Variants in HCRTR2 observed in about 807,000 individuals in gnomAD.
The protein encoded by HCRTR2 is hypocretin receptor 2, also known as orexin receptor type 2.
Under a neutral mutation model 49.0 loss-of-function variants are expected in HCRTR2, and 22 were observed. The ratio of observed to expected loss-of-function variants is 0.45; its 90% CI spans 0.32 to 0.64. HCRTR2 has a LOEUF of 0.64. Among genes scored for constraint, HCRTR2 ranks in the 30% least tolerant of loss-of-function variants. HCRTR2 has a pLI of 0.04. For synonymous variants in HCRTR2, 236 were observed against 205.3 expected (o/e 1.15, Z -1.28); for missense variants, 491 against 559.4 (o/e 0.88, Z 1.23).
chr6:55,165,741 CAGA>C (rs1764866455), intron 1 of HCRTR2, among the ~76,000 whole-genome samples: 1 of 95,280 alleles, frequency 1.0e-5, no homozygotes, highest in African/African-American at 4.3e-5. Context: ...GATTAGTATA[CAGA>C]ATATATATAT....
Position 55,157,352 on chromosome 6 carries a change from TG to T in HCRTR2, c.-377-16858del, listed in dbSNP as rs368107268. On this transcript the variant is annotated intron_variant, in intron 1 of 7. Coordinates refer to the HCRTR2 transcript ENST00000615358. ...GTTTTATGTACTGAAAAATAAAAAA[TG>T]TCATTAAAAATAGTTAAAGAGAATC... Among the ~76,000 whole-genome samples, 439 of 152,304 alleles carry T rather than the reference TG, an allele frequency of 2.9e-3. 4 individuals carry two copies. Among genetic ancestry groups the T allele is most frequent in the African/African-American group, 0.01 (417 of 41,570 alleles).
intron 1 of HCRTR2, among the ~76,000 whole-genome samples, chr6:55,223,867 T>G (rs1169480235): frequency 6.6e-6 from 1 of 152,074 alleles, no homozygotes; most frequent in East Asian, 1.9e-4. Flanking sequence ...GAGGAAATTA[T>G]TTATATGCAG....
At chr6:55,198,118 G>A (rs1386884503) in intron 1 of HCRTR2, among the ~76,000 whole-genome samples, 3 of 152,058 alleles carry the variant, frequency 2.0e-5, no homozygotes, top group East Asian at 1.9e-4. Context: ...TAACCTTCAC[G>A]AAACTACATG....
chr6:55,258,333 G>A lies in HCRTR2; in HGVS notation c.646+2954G>A, dbSNP rs79792462. Reference sequence around the variant, plus strand: ...TTATCCTACAACCAATGTGGCAGTGGAAAAAAATTTGGAAAAGCAATTTGG... The same window carrying A: ...TTATCCTACAACCAATGTGGCAGTGAAAAAAAATTTGGAAAAGCAATTTGG... On this transcript the variant is annotated intron_variant, in intron 3 of 6. Transcript: ENST00000370862. Among the ~76,000 whole-genome samples, 1,388 of 152,134 alleles carry A rather than the reference G, an allele frequency of 9.1e-3. 50 individuals are homozygous for A. The East Asian group carries it at 0.12, about 13-fold the overall frequency.
chr6:55,159,218 G>C (rs1336452487), intron 1 of HCRTR2, among the ~76,000 whole-genome samples: 1 of 152,082 alleles, frequency 6.6e-6, no homozygotes, highest in Non-Finnish European at 1.5e-5. Context: ...AGACGGGCCT[G>C]AGTGTAAGAA....
At chr6:55,142,972 T>TGGTA (rs139756684) in intron 1 of HCRTR2, among the ~76,000 whole-genome samples, 2 of 151,330 alleles carry the variant, frequency 1.3e-5, no homozygotes, top group African/African-American at 4.9e-5. Flanking sequence ...AGGCAGATTA[T>TGGTA]GATAGAAAGA....
At chr6:55,267,559 A>G (rs1296525184) in intron 4 of HCRTR2, among the ~76,000 whole-genome samples, 1 of 152,082 alleles carries the variant, frequency 6.6e-6, no homozygotes, top group Non-Finnish European at 1.5e-5. Flanking sequence ...ATAATTCAAC[A>G]CTAAATCTTA....
At chr6:55,189,107 T>C (rs1444030439) in intron 1 of HCRTR2, among the ~76,000 whole-genome samples, 1 of 152,220 alleles carries the variant, frequency 6.6e-6, no homozygotes, top group African/African-American at 2.4e-5. Context: ...CTGCTTTCAA[T>C]TGTTTTTGTG....
intron 1 of HCRTR2, among the ~76,000 whole-genome samples, chr6:55,212,482 T>C (rs1765714006): frequency 6.6e-6 from 1 of 152,200 alleles, no homozygotes; most frequent in Non-Finnish European, 1.5e-5. Flanking sequence ...ATAACGTGAA[T>C]TCTGTTTTGA....
chr6:55,238,502 C>G (rs1480163535), intron 1 of HCRTR2, among the ~76,000 whole-genome samples: 1 of 152,126 alleles, frequency 6.6e-6, no homozygotes, highest in Admixed American at 6.6e-5. Context: ...TTGTAATTTT[C>G]CAATTCTCCA....
At position 55,282,325 on chromosome 6, in the gene HCRTR2, G is replaced by A. The variant is rs199667261; in HGVS notation, c.1206G>A (p.Glu402=). The change falls in exon 7 of 7, where the codon GAG becomes GAA. Residue 402 remains glutamate (E), a synonymous_variant. Coordinates refer to ENST00000370862, the MANE Select transcript of HCRTR2 (RefSeq NM_001384272.1). ...TCACCAGGGGACGAACTAGCACAGA[G>A]AGCCGGAAGTCCTTGACCACTCAAA... ...DRLTRGRTST[E]SRKSLTTQIS... is the part of the protein sequence containing the mutation. The A allele has an allele frequency of 6.2e-7, 1 of 1,613,850 alleles. No individual in the cohort carries two copies. The highest frequency in any genetic ancestry group is 8.5e-7 in the Non-Finnish European group (1 of 1,179,892).
At chr6:55,242,673 G>C (rs752826024) in intron 1 of HCRTR2, among the ~76,000 whole-genome samples, 22 of 152,106 alleles carry the variant, frequency 1.4e-4, no homozygotes, top group Non-Finnish European at 2.8e-4. Context: ...TTTAATAAGA[G>C]ACACAATCTT....
chr6:55,239,880 C>A (rs1439419144), intron 1 of HCRTR2, among the ~76,000 whole-genome samples: 2 of 150,270 alleles, frequency 1.3e-5, no homozygotes, highest in Non-Finnish European at 3.0e-5. Context: ...CGGGTTCAAG[C>A]GATTCTCCCG....
chr6:55,258,077 C>A (rs937162717), intron 3 of HCRTR2, among the ~76,000 whole-genome samples: 11 of 151,982 alleles, frequency 7.2e-5, no homozygotes, highest in East Asian at 5.8e-4. Flanking sequence ...TAATGTTAAA[C>A]CTTTGTATAT....
At chr6:55,191,946 T>C (rs1278549607) in intron 1 of HCRTR2, among the ~76,000 whole-genome samples, 1 of 152,150 alleles carries the variant, frequency 6.6e-6, no homozygotes, top group Non-Finnish European at 1.5e-5. Context: ...ACCAAAACAT[T>C]GTCTGCAAGA....
intron 1 of HCRTR2, among the ~76,000 whole-genome samples, chr6:55,126,270 C>T (rs1289939029): frequency 6.6e-6 from 1 of 152,128 alleles, no homozygotes; most frequent in Non-Finnish European, 1.5e-5. Flanking sequence ...TACCTTTGGT[C>T]TTTGATGTGG....
At chr6:55,264,781 T>G (rs758832970) in intron 4 of HCRTR2, among the ~76,000 whole-genome samples, 34 of 152,130 alleles carry the variant, frequency 2.2e-4, no homozygotes, top group Non-Finnish European at 4.3e-4. Flanking sequence ...TCTCTAAACT[T>G]ACTGCCGATA....
chr6:55,142,557 G>A (rs1331017337), intron 1 of HCRTR2, among the ~76,000 whole-genome samples: 2 of 151,722 alleles, frequency 1.3e-5, no homozygotes, highest in African/African-American at 4.8e-5. Context: ...GCACATTAAT[G>A]GTATGTTTAT....
At chr6:55,196,132 C>T (rs906713685) in intron 1 of HCRTR2, among the ~76,000 whole-genome samples, 1 of 151,974 alleles carries the variant, frequency 6.6e-6, no homozygotes, top group Non-Finnish European at 1.5e-5. Flanking sequence ...TTCTGTCTTC[C>T]CAACAACTAC....
Sources: gnomAD v4.1 joint callset for allele counts (sites outside exome capture counted in the v4.1 genomes callset) on GRCh38, gnomAD v4.1.1 for gene constraint, MANE v1.5 for transcripts, NCBI Gene and HGNC (gene_info 2026-07-23, HGNC 2026-07-21) for gene names.